The following ANTXRL variants were observed in gnomAD, a reference collection of about 807,000 sequenced individuals.
ANTXRL encodes the protein ANTXR like, also known as anthrax toxin receptor-like.
In ANTXRL, 63 loss-of-function variants were observed where a neutral mutation model predicts 75.4. The observed-to-expected ratio is 0.84, with a 90% confidence interval of 0.68 to 1.03. The LOEUF (loss-of-function observed/expected upper bound fraction) is 1.03, where lower values mean the gene tolerates loss of function less well. Among genes scored for constraint, ANTXRL ranks in the 50% least tolerant of loss-of-function variants. The pLI, the probability that ANTXRL is intolerant of heterozygous loss-of-function variation, is 0.00. For synonymous variants in ANTXRL, 335 were observed against 291.3 expected (o/e 1.15, Z -1.53); for missense variants, 797 against 789.4 (o/e 1.01, Z -0.12).
intron 3 of ANTXRL, 138 bp from the exon 4 acceptor site, chr10:46,295,881 G>A: frequency 1.4e-6 from 1 of 725,496 alleles, no homozygotes; most frequent in Non-Finnish European, 2.4e-6. Context: ...GAGGAATGAG[G>A]AGGACAAAGC....
chr10:46,310,568 A>G (rs1838361330), intron 14 of ANTXRL, 69 bp downstream of exon 14: 4 of 1,459,160 alleles, frequency 2.7e-6, no homozygotes, highest in South Asian at 2.4e-5. Flanking sequence ...CAAGAGTGCC[A>G]TGAAGCCTGC....
intron 12 of ANTXRL, 73 bp from the exon 13 acceptor site, chr10:46,309,040 G>T: frequency 6.5e-7 from 1 of 1,531,002 alleles, no homozygotes; most frequent in South Asian, 1.2e-5. Context: ...GGAGTGGGCA[G>T]ATGGGCCACC....
In ANTXRL at chr10:46,302,817, A is replaced by T; in HGVS notation, c.892A>T (p.Ile298Phe). 1 of 1,533,264 alleles carries T rather than the reference A, an allele frequency of 6.5e-7. No homozygotes were observed. Among genetic ancestry groups the T allele is most frequent in the Non-Finnish European group, 8.7e-7 (1 of 1,144,392 alleles). 95.0% of individuals were successfully genotyped at this position (1,533,264 alleles called of 1,614,324 possible). Reference protein sequence around the residue: ...CRFIFNESTIIDEKPTSIDNN... With the variant: ...CRFIFNESTIFDEKPTSIDNN... Reference sequence around the variant, plus strand: ...ATTTATCTTCAATGAAAGCACTATCATTGGTAAGTTGTCTCCTCTGTGCCT... The same window carrying T: ...ATTTATCTTCAATGAAAGCACTATCTTTGGTAAGTTGTCTCCTCTGTGCCT... Residue 298 changes from isoleucine to phenylalanine, a missense_variant, in exon 10 of 17, where the codon ATT (isoleucine) becomes TTT (phenylalanine). Transcript: ENST00000620264.
At chr10:46,301,426 T>C (rs573993353) in intron 9 of ANTXRL, among the ~76,000 whole-genome samples, 1 of 152,202 alleles carries the variant, frequency 6.6e-6, no homozygotes, top group Non-Finnish European at 1.5e-5. Context: ...AAGGGCAGCA[T>C]AGTATCCATC....
intron 10 of ANTXRL, among the ~76,000 whole-genome samples, chr10:46,303,499 C>A (rs555074742): frequency 1.3e-5 from 2 of 152,288 alleles, no homozygotes; most frequent in Admixed American, 6.5e-5. Flanking sequence ...GTTTCAGCAT[C>A]CCAAACCGCA....
intron 16 of ANTXRL, among the ~76,000 whole-genome samples, chr10:46,317,994 G>A (rs895822133): frequency 4.6e-5 from 7 of 152,108 alleles, no homozygotes; most frequent in Admixed American, 1.3e-4. Context: ...GCAGCCACCT[G>A]GAGGTCTCCT....
intron 16 of ANTXRL, among the ~76,000 whole-genome samples, chr10:46,318,715 T>C (rs1838849045): frequency 6.6e-6 from 1 of 152,168 alleles, no homozygotes. Flanking sequence ...ACAGTGTGTA[T>C]GCAGGTGAGC....
At chr10:46,326,556 G>C (rs1417755408) in intron 16 of ANTXRL, among the ~76,000 whole-genome samples, 1 of 152,100 alleles carries the variant, frequency 6.6e-6, no homozygotes, top group Non-Finnish European at 1.5e-5. Flanking sequence ...AAGGTTGGGG[G>C]CTGAGGCCTG....
At chr10:46,320,859 T>G (rs963568210) in intron 16 of ANTXRL, among the ~76,000 whole-genome samples, 24 of 152,326 alleles carry the variant, frequency 1.6e-4, no homozygotes, top group Middle Eastern at 3.4e-3. Context: ...GAATTTAATC[T>G]GGTGACATTA....
At chr10:46,300,195 C>T (rs1172551572) in intron 9 of ANTXRL, among the ~76,000 whole-genome samples, 3 of 152,182 alleles carry the variant, frequency 2.0e-5, no homozygotes, top group African/African-American at 4.8e-5. Flanking sequence ...AGTCACAGCC[C>T]TGATCTGTCA....
chr10:46,324,968 C>T (rs1839145558), intron 16 of ANTXRL, among the ~76,000 whole-genome samples: 3 of 152,056 alleles, frequency 2.0e-5, no homozygotes, highest in African/African-American at 7.3e-5. Context: ...ATATGGAAGC[C>T]TCTTGAACTT....
chr10:46,296,310 C>G (rs1554958682), intron 5 of ANTXRL, 58 bp downstream of exon 5: 2 of 1,515,200 alleles, frequency 1.3e-6, no homozygotes, highest in East Asian at 4.9e-5. Flanking sequence ...GGGTGTGAGC[C>G]TCAGAGAGCT....
chr10:46,324,318 A>T lies in ANTXRL; in HGVS notation c.1411-5281A>T, dbSNP rs532291969. On this transcript the variant is annotated intron_variant, in intron 16 of 16. Coordinates refer to ENST00000620264, the MANE Select transcript of ANTXRL (RefSeq NM_001278688.3). ...AAACAAATGTTGACTCTCTTTATGA[A>T]CCGGAATGCTAAAGAAGGCTGAGCA... Among the ~76,000 whole-genome samples, 6 of 152,302 alleles carry T rather than the reference A, an allele frequency of 3.9e-5. No homozygotes were observed. In the South Asian group the frequency reaches 1.2e-3, roughly 32 times the overall value.
intron 9 of ANTXRL, among the ~76,000 whole-genome samples, chr10:46,302,382 A>C (rs1473479026): frequency 2.0e-5 from 3 of 152,132 alleles, no homozygotes; most frequent in Non-Finnish European, 4.4e-5. Flanking sequence ...CGGCCTGCAC[A>C]CCTGGGGCCG....
At chr10:46,293,247 TGTGGGGGG>T (rs1341303007) in intron 2 of ANTXRL, 1 of 136,014 alleles carries the variant, frequency 7.4e-6, no homozygotes, top group Non-Finnish European at 1.6e-5. Flanking sequence ...TATGCATGTG[TGTGGGGGG>T]GTGTGTATAC....
At chr10:46,329,568 GGTGACCTT>G in intron 16 of ANTXRL, 23 bp from the exon 17 acceptor site, 1 of 1,526,818 alleles carries the variant, frequency 6.5e-7, no homozygotes, top group Non-Finnish European at 8.8e-7. Context: ...ATGCCATCAC[GGTGACCTT>G]CTCTCTCTTC....
At chr10:46,301,381 C>T (rs1266924551) in intron 9 of ANTXRL, among the ~76,000 whole-genome samples, 2 of 152,244 alleles carry the variant, frequency 1.3e-5, no homozygotes, top group African/African-American at 2.4e-5. Context: ...CTGTCTCTCA[C>T]AGCCTCAGTG....
intron 10 of ANTXRL, among the ~76,000 whole-genome samples, chr10:46,305,506 G>A (rs569264430): frequency 1.3e-5 from 2 of 152,178 alleles, no homozygotes; most frequent in Non-Finnish European, 2.9e-5. Context: ...TGGCAAAAAA[G>A]TCAATACCAC....
chr10:46,323,795 C>T (rs1839088349), intron 16 of ANTXRL, among the ~76,000 whole-genome samples: 1 of 152,102 alleles, frequency 6.6e-6, no homozygotes, highest in African/African-American at 2.4e-5. Flanking sequence ...TGGAGGCTGT[C>T]ATAAGGCCAG....
Sources: allele counts gnomAD v4.1 joint callset (sites outside exome capture counted in the v4.1 genomes callset), GRCh38; gene constraint gnomAD v4.1.1; transcripts MANE v1.5; gene names NCBI Gene and HGNC (gene_info 2026-07-23, HGNC 2026-07-21).